Variants in UNC80 observed in about 807,000 individuals in gnomAD.
UNC80 encodes protein unc-80 homolog.
Under a neutral mutation model 384.6 loss-of-function variants are expected in UNC80, and 164 were observed. The ratio of observed to expected loss-of-function variants is 0.43; its 90% CI spans 0.38 to 0.49. The LOEUF is 0.49. UNC80 is among the 20% of genes least tolerant of loss of function. The probability of loss-of-function intolerance (pLI) is 0.00; values close to 1 mark genes in which losing one functional copy is unlikely to be tolerated. For missense variants in UNC80, 3,330 were observed against 4,143.0 expected (o/e 0.80, Z 5.39); for synonymous variants, 1,486 against 1,527.8 (o/e 0.97, Z 0.64).
At chr2:209,840,212 G>A (rs1021449013) in intron 19 of UNC80, among the ~76,000 whole-genome samples, 8 of 152,326 alleles carry the variant, frequency 5.3e-5, no homozygotes, top group African/African-American at 1.7e-4. Context: ...GCTTGGACTG[G>A]GTGGTGGCCA....
Position 209,881,057 on chromosome 2 carries a change from T to C in UNC80, c.4073T>C (p.Phe1358Ser). 1 of 1,551,712 alleles carries C rather than the reference T, an allele frequency of 6.4e-7. No individual in the cohort carries two copies. The highest frequency in any genetic ancestry group is 8.7e-7 in the Non-Finnish European group (1 of 1,147,010). Residue 1358 changes from phenylalanine (F) to serine (S), a missense_variant, in exon 25 of 65, where the codon TTT becomes TCT. Transcript: ENST00000673920. ...ATTACCACCTTCCTGCGAGAGACCT[T>C]TTCTTGCCTGCCCAGACCTCGCACT... Reference protein sequence around the residue: ...LEITTFLRETFSCLPRPRTEP... With the variant: ...LEITTFLRETSSCLPRPRTEP...
In UNC80 at chr2:209,831,426, G is replaced by A. The variant is rs76396822; in HGVS notation, c.2627-17G>A. ...TTAAAGGAAACATTGTCTTTAATTTGTGCCTTTGCATTCCAGACAAGGCTG... is the reference window on the plus strand; with the variant it reads ...TTAAAGGAAACATTGTCTTTAATTTATGCCTTTGCATTCCAGACAAGGCTG... On this transcript the variant is annotated splice_polypyrimidine_tract_variant and intron_variant, in intron 15 of 64. Coordinates refer to ENST00000673920, the MANE Select transcript of UNC80 (RefSeq NM_001371986.1). 525 of 1,540,332 alleles carry A rather than the reference G, an allele frequency of 3.4e-4. 8 individuals are homozygous for A. The East Asian group carries it at 0.013, about 37-fold the overall frequency.
In UNC80 at chr2:209,938,048, A is replaced by G. The variant is rs1275195595; in HGVS notation, c.6465+418A>G. Among the ~76,000 whole-genome samples the G allele has an allele frequency of 2.0e-5, 3 of 152,298 alleles. No individual in the cohort carries two copies. In the South Asian group the frequency reaches 6.2e-4, roughly 32 times the overall value. On this transcript the variant is annotated intron_variant, in intron 42 of 64. Coordinates refer to ENST00000673920, the MANE Select transcript of UNC80 (RefSeq NM_001371986.1). ...CTCTAGTATGCTTGAAAAAAAAAGC[A>G]TTAAACTAAAGTTCAAAGATTTGGA...
At chr2:209,863,417 C>T (rs893013890) in intron 22 of UNC80, among the ~76,000 whole-genome samples, 12 of 152,138 alleles carry the variant, frequency 7.9e-5, no homozygotes, top group South Asian at 2.1e-4. Flanking sequence ...GCATAATATC[C>T]GGAAGTGTGT....
At chr2:209,969,402 G>A (rs1326246828) in intron 52 of UNC80, 1 of 196,472 alleles carries the variant, frequency 5.1e-6, no homozygotes, top group East Asian at 1.3e-4. Flanking sequence ...TGATAAACAG[G>A]TTTCAGAAAT....
At chr2:209,831,382 C>A in intron 15 of UNC80, 61 bp from the exon 16 acceptor site, 1 of 1,498,930 alleles carries the variant, frequency 6.7e-7, no homozygotes, top group South Asian at 1.4e-5. Context: ...TACTGCCTTA[C>A]TCCTACCCAT....
chr2:209,886,402 AC>A (rs1204898346), intron 25 of UNC80, among the ~76,000 whole-genome samples: 2 of 151,842 alleles, frequency 1.3e-5, no homozygotes, highest in Non-Finnish European at 2.9e-5. Context: ...ACATAGCAAG[AC>A]CCCATATCTA....
intron 7 of UNC80, chr2:209,794,961 A>T (rs1193989230): frequency 3.0e-6 from 1 of 329,670 alleles, no homozygotes; most frequent in South Asian, 2.5e-5. Flanking sequence ...CTGAAAAGAT[A>T]CCCAAAAGTG....
chr2:209,813,968 C>G, intron 8 of UNC80, 127 bp downstream of exon 8: 2 of 1,152,548 alleles, frequency 1.7e-6, no homozygotes, highest in Non-Finnish European at 2.4e-6. Flanking sequence ...TACACTGTTT[C>G]TATTATCTTT....
In UNC80 at chr2:209,779,967, T is replaced by C. The variant is rs144491819; in HGVS notation, c.600+2408T>C. ...GCTCTACTGTAAGACATTGAGCAAA[T>C]AATTTATAAGCCTCCATTTTCTCAA... is the stretch of plus-strand genomic sequence containing the variant. On this transcript the variant is annotated intron_variant, in intron 4 of 64. Transcript: ENST00000673920. Among the ~76,000 whole-genome samples, 1,099 of 152,326 alleles carry C rather than the reference T, an allele frequency of 7.2e-3. 17 individuals are homozygous for C. Among genetic ancestry groups the C allele is most frequent in the African/African-American group, 0.025 (1,041 of 41,572 alleles).
chr2:209,928,396 A>T (rs1043711400), intron 36 of UNC80, among the ~76,000 whole-genome samples: 1 of 152,166 alleles, frequency 6.6e-6, no homozygotes, highest in African/African-American at 2.4e-5. Context: ...GTGAAATGAC[A>T]TACTCCAAAC....
chr2:209,990,045 A>G (rs1163220600), intron 61 of UNC80, among the ~76,000 whole-genome samples: 1 of 152,192 alleles, frequency 6.6e-6, no homozygotes, highest in Non-Finnish European at 1.5e-5. Flanking sequence ...CAGAACAGCT[A>G]AATACTAAAG....
Position 209,820,308 on chromosome 2 carries a change from C to A in UNC80, c.1963-3C>A. The A allele has an allele frequency of 6.6e-7, 1 of 1,526,694 alleles. No individual in the cohort carries two copies. The allele number at this position is 1,526,694 out of a possible 1,614,324, so 94.6% of individuals were successfully genotyped here. ...CATGCTGTGTTTATCTTGTTTTCCTCAGGTAGTTCTGAAGGCTGTTTATCT... is the reference window on the plus strand; with the variant it reads ...CATGCTGTGTTTATCTTGTTTTCCTAAGGTAGTTCTGAAGGCTGTTTATCT... On this transcript the variant is annotated splice_region_variant and splice_polypyrimidine_tract_variant and intron_variant, in intron 12 of 64. Coordinates refer to ENST00000673920, the MANE Select transcript of UNC80 (RefSeq NM_001371986.1).
chr2:209,839,124 T>C lies in UNC80; in HGVS notation c.3042-98T>C. ...TCAGCCCATCAAAGATCATTTTGCA[T>C]GATTTGCCTAAATATCATTGACAGG... On this transcript the variant is annotated intron_variant, in intron 18 of 64. Transcript: ENST00000673920. The surrounding 1 kb of genome is among the most constrained non-coding windows in gnomAD (Gnocchi z 4.1). 1 of 1,109,906 alleles carries C rather than the reference T, an allele frequency of 9.0e-7. No individual in the cohort carries two copies. Among genetic ancestry groups the C allele is most frequent in the Non-Finnish European group, 1.3e-6 (1 of 777,820 alleles). 68.8% of individuals were successfully genotyped at this position (1,109,906 alleles called of 1,614,324 possible).
chr2:209,855,236 G>A (rs1368194566), intron 22 of UNC80, among the ~76,000 whole-genome samples: 10 of 152,166 alleles, frequency 6.6e-5, no homozygotes, highest in Admixed American at 3.3e-4. Context: ...ATAAGTGGGA[G>A]CTGAACAATG....
chr2:209,946,011 A>G, intron 47 of UNC80, 68 bp downstream of exon 47: 1 of 1,123,064 alleles, frequency 8.9e-7, no homozygotes. Context: ...AATTGAATGA[A>G]TACAAAGGTT....
At chr2:209,955,716 T>TATATATATATATATATATATACAC (rs2124996644) in intron 48 of UNC80, among the ~76,000 whole-genome samples, 1 of 80,170 alleles carries the variant, frequency 1.2e-5, no homozygotes, top group South Asian at 5.1e-4. Context: ...TATATATATA[T>TATATATATATATATATATATACAC]ATATATATAT....
chr2:209,959,455 T>C, intron 50 of UNC80, 34 bp from the exon 51 acceptor site: 1 of 1,541,994 alleles, frequency 6.5e-7, no homozygotes, highest in South Asian at 1.2e-5. Context: ...GAATACATTT[T>C]CAGACCCCTA....
At chr2:209,915,886 T>C (rs944272310) in intron 31 of UNC80, among the ~76,000 whole-genome samples, 4 of 152,142 alleles carry the variant, frequency 2.6e-5, no homozygotes, top group African/African-American at 7.2e-5. Flanking sequence ...ACTTGAAATG[T>C]TTCCAACACA....
Sources: allele counts gnomAD v4.1 joint callset (sites outside exome capture counted in the v4.1 genomes callset), GRCh38; gene constraint gnomAD v4.1.1; non-coding constraint Gnocchi (gnomAD v3.1); transcripts MANE v1.5; gene names NCBI Gene and HGNC (gene_info 2026-07-23, HGNC 2026-07-21).